NEBL: variants seen among roughly 807,000 people sequenced by gnomAD.
NEBL encodes LIM and SH3 protein 2.
A neutral mutation model predicts 140.2 loss-of-function variants in NEBL; 122 were observed. That is an observed-to-expected ratio of 0.87 (90% CI 0.75 to 1.01). NEBL has a LOEUF of 1.01. NEBL is among the 50% of genes least tolerant of loss of function. The pLI is 0.00. For synonymous variants in NEBL, 436 were observed against 398.9 expected, an observed-to-expected ratio of 1.09 and a Z score of -1.11; for missense variants, 1,365 against 1,231.3, an observed-to-expected ratio of 1.11 and a Z score of -1.62.
intron 2 of NEBL, among the ~76,000 whole-genome samples, chr10:21,059,442 G>A (rs1008449455): frequency 6.6e-6 from 1 of 152,222 alleles, no homozygotes; most frequent in African/African-American, 2.4e-5. Context: ...AGAGAAACTA[G>A]GGAAATCACT....
Position 21,287,117 on chromosome 10 carries a change from A to C in NEBL, n.182+5713T>G, listed in dbSNP as rs574504197. On this transcript the variant is annotated intron_variant and non_coding_transcript_variant, in intron 1 of 8. Transcript: ENST00000675702. The stretch of plus-strand genomic sequence containing the variant: ...TCCACAACCAGAAGCAACCGTTAAC[A>C]GAGAAGCAAGTACCGGCATCCATCA... 4.6e-5 allele frequency among the ~76,000 whole-genome samples: 7 copies of C among 152,340 alleles called. No individual in the cohort carries two copies. In the South Asian group the frequency reaches 1.4e-3, roughly 32 times the overall value.
intron 3 of NEBL, among the ~76,000 whole-genome samples, chr10:21,182,757 T>C (rs1337753909): frequency 6.6e-6 from 1 of 152,202 alleles, no homozygotes; most frequent in East Asian, 1.9e-4. Flanking sequence ...TTTTAAAAAG[T>C]AATAAGAAAC....
intron 3 of NEBL, among the ~76,000 whole-genome samples, chr10:20,980,583 T>A: frequency 6.6e-6 from 1 of 151,950 alleles, no homozygotes; most frequent in East Asian, 1.9e-4. Flanking sequence ...CAGTAACCAG[T>A]GGCCTTACAC....
chr10:21,203,976 A>G (rs1046481715), intron 3 of NEBL, among the ~76,000 whole-genome samples: 6 of 152,192 alleles, frequency 3.9e-5, no homozygotes, highest in Non-Finnish European at 8.8e-5. Context: ...GAATAAGTCC[A>G]TTGGAATAAG....
intron 2 of NEBL, among the ~76,000 whole-genome samples, chr10:21,123,250 T>C (rs1462420013): frequency 2.0e-5 from 3 of 152,228 alleles, no homozygotes; most frequent in Non-Finnish European, 4.4e-5. Context: ...AAGTCAAAGA[T>C]AAATCTGTGC....
rs932505553 is a variant in NEBL, at chr10:20,804,409, A to T, written c.2761+4101T>A. 60 of 152,134 alleles carry T rather than the reference A, an allele frequency of 3.9e-4. 1 individual carries two copies. 9.4% of individuals were successfully genotyped at this position (152,134 alleles called of 1,614,324 possible). ...TGATAAGTGGATCATTTGCTTTATC[A>T]ACCCTCATCACTACACAAAGGTTCA... On this transcript the variant is annotated intron_variant, in intron 26 of 27. Coordinates refer to ENST00000377122, the MANE Select transcript of NEBL (RefSeq NM_006393.3).
chr10:21,188,598 CTTTT>C (rs774673307), intron 3 of NEBL, among the ~76,000 whole-genome samples: 3 of 125,894 alleles, frequency 2.4e-5, no homozygotes, highest in Admixed American at 8.1e-5. Context: ...ATAGTAAAAT[CTTTT>C]TTTTTTTTTT....
intron 2 of NEBL, among the ~76,000 whole-genome samples, chr10:21,110,178 C>T (rs1350581890): frequency 6.6e-6 from 1 of 152,106 alleles, no homozygotes; most frequent in Non-Finnish European, 1.5e-5. Flanking sequence ...CTTTGAGAAT[C>T]AAGGTCATGC....
intron 3 of NEBL, among the ~76,000 whole-genome samples, chr10:20,966,459 A>G (rs1169192169): frequency 6.6e-6 from 1 of 152,262 alleles, no homozygotes; most frequent in African/African-American, 2.4e-5. Flanking sequence ...TGAAAATACC[A>G]AGCAAGGATA....
At chr10:21,175,110 A>G (rs1484560763), upstream of NEBL, 2 of 152,194 alleles carry the variant, frequency 1.3e-5, no homozygotes, top group Admixed American at 6.5e-5. Flanking sequence ...CTTCCTTTTA[A>G]TAAGATGTCA....
chr10:20,889,293 A>G (rs1285301329), intron 3 of NEBL, among the ~76,000 whole-genome samples: 2 of 152,218 alleles, frequency 1.3e-5, no homozygotes, highest in East Asian at 3.8e-4. Flanking sequence ...TCAGAAAGAA[A>G]CTACATAATT....
intron 4 of NEBL, among the ~76,000 whole-genome samples, chr10:20,939,031 A>G (rs1341618675): frequency 6.6e-6 from 1 of 152,220 alleles, no homozygotes; most frequent in Non-Finnish European, 1.5e-5. Flanking sequence ...ATTATCCAGG[A>G]GAACTTCCCC....
intron 3 of NEBL, among the ~76,000 whole-genome samples, chr10:20,964,421 G>C (rs750607717): frequency 6.6e-6 from 1 of 152,178 alleles, no homozygotes; most frequent in Non-Finnish European, 1.5e-5. Context: ...TCTGCTTCTG[G>C]TCAGAGCCTC....
At chr10:21,139,976 C>A (rs1473126464) in intron 2 of NEBL, among the ~76,000 whole-genome samples, 1 of 140,808 alleles carries the variant, frequency 7.1e-6, no homozygotes, top group Non-Finnish European at 1.5e-5. Context: ...CATGTTGAAA[C>A]CCTGTCTCAA....
chr10:20,885,924 T>G (rs1166669608), intron 4 of NEBL, among the ~76,000 whole-genome samples: 2 of 152,218 alleles, frequency 1.3e-5, no homozygotes, highest in African/African-American at 4.8e-5. Context: ...TAACCGAGAT[T>G]AGTTTACTGC....
At chr10:21,027,434 C>T (rs1439613384) in intron 2 of NEBL, among the ~76,000 whole-genome samples, 2 of 151,740 alleles carry the variant, frequency 1.3e-5, no homozygotes, top group Non-Finnish European at 2.9e-5. Context: ...CTCAGGTGAT[C>T]CTCCCATCTC....
intron 3 of NEBL, among the ~76,000 whole-genome samples, chr10:20,996,369 G>A (rs1837665404): frequency 1.3e-5 from 2 of 152,170 alleles, no homozygotes; most frequent in African/African-American, 4.8e-5. Flanking sequence ...ACTGATCAAT[G>A]TCACTTTATA....
rs1288339889 is a variant in NEBL at position 20,784,825 on chromosome 10, G to GA, written c.*921dup. 1 of 152,226 alleles carries GA rather than the reference G, an allele frequency of 6.6e-6. No homozygotes were observed. Among genetic ancestry groups the GA allele is most frequent in the Non-Finnish European group, 1.5e-5 (1 of 68,040 alleles). The allele number at this position is 152,226 out of a possible 1,614,324, so 9.4% of individuals were successfully genotyped here. On this transcript the variant is annotated 3_prime_UTR_variant, in exon 28 of 28. Coordinates refer to ENST00000377122, the MANE Select transcript of NEBL (RefSeq NM_006393.3). ...TCAAAACTAGAGTGCGATGCAGCAG[G>GA]AAAATCTCAAGCATCTTTTCAAAGT...
intron 3 of NEBL, among the ~76,000 whole-genome samples, chr10:21,005,412 T>G (rs1382797776): frequency 6.6e-6 from 1 of 152,082 alleles, no homozygotes; most frequent in Non-Finnish European, 1.5e-5. Flanking sequence ...ACAGTAAAAT[T>G]TAAAATGTAC....
Sources: gnomAD v4.1 joint callset for allele counts (sites outside exome capture counted in the v4.1 genomes callset) on GRCh38, gnomAD v4.1.1 for gene constraint, MANE v1.5 for transcripts, NCBI Gene and HGNC (gene_info 2026-07-23, HGNC 2026-07-21) for gene names.